The following BOP1 variants were observed in gnomAD, a reference collection of about 807,000 sequenced individuals.
BOP1 encodes the protein ribosome biogenesis protein BOP1.
A neutral mutation model predicts 82.9 loss-of-function variants in BOP1; 54 were observed. That is an observed-to-expected ratio of 0.65 (90% CI 0.52 to 0.82). The LOEUF is 0.82. BOP1 is among the 40% of genes least tolerant of loss of function. The probability of loss-of-function intolerance (pLI) is 0.00; values close to 1 mark genes in which losing one functional copy is unlikely to be tolerated. For synonymous variants in BOP1, 566 were observed against 451.1 expected, an observed-to-expected ratio of 1.25 and a Z score of -3.23; for missense variants, 1,170 against 1,072.0, an observed-to-expected ratio of 1.09 and a Z score of -1.28.
intron 11 of BOP1, 26 bp downstream of exon 11, chr8:144,263,452 C>G: frequency 6.3e-7 from 1 of 1,597,862 alleles, no homozygotes; most frequent in Non-Finnish European, 8.5e-7. Flanking sequence ...ACCCCTGGCT[C>G]CCCAGCCCCC....
chr8:144,291,298 C>G lies in BOP1; in HGVS notation c.73G>C (p.Glu25Gln), dbSNP rs1815065118. Residue 25 changes from glutamate to glutamine, a missense_variant, in exon 1 of 16, where the codon GAA (glutamate) becomes CAA (glutamine). Glu to Gln is a conservative substitution (Grantham distance 29). Coordinates refer to ENST00000569669, the MANE Select transcript of BOP1 (RefSeq NM_015201.5). This position sits in a 1 kb window ranked among gnomAD's most constrained non-coding sequence, Gnocchi z 4.1. ...TCCGGCTCGGGCTCAGGCTCCAGTT[C>G]GGGCTCAGACCGCCGCTTCTCCGGC... Reference protein sequence around the residue: ...VRPEKRRSEPELEPEPEPEPP... With the variant: ...VRPEKRRSEPQLEPEPEPEPP... 4.1e-6 allele frequency: 6 copies of G among 1,450,506 alleles called. No homozygotes were observed. The highest frequency in any genetic ancestry group is 1.3e-5 in the South Asian group (1 of 76,018). 89.9% of individuals were successfully genotyped at this position (1,450,506 alleles called of 1,614,324 possible).
intron 3 of BOP1, among the ~76,000 whole-genome samples, chr8:144,269,689 G>A (rs1461274187): frequency 6.6e-6 from 1 of 152,234 alleles, no homozygotes; most frequent in Non-Finnish European, 1.5e-5. Context: ...TGGCCAGAGG[G>A]AGGGGAGGAG....
chr8:144,263,477 C>G lies in BOP1; in HGVS notation c.1424+1G>C. On this transcript the variant is annotated splice_donor_variant, in intron 11 of 15. Transcript: ENST00000569669. LOFTEE classifies it high-confidence loss of function. Reference sequence around the variant, plus strand: ...CCCCAGCCCCCAGGGCCTCCACTTACACGGCTGCAGCCACCAGGCAGACAG... The same window carrying G: ...CCCCAGCCCCCAGGGCCTCCACTTAGACGGCTGCAGCCACCAGGCAGACAG... 1 of 1,598,290 alleles carries G rather than the reference C, an allele frequency of 6.3e-7. No individual in the cohort carries two copies. The highest frequency in any genetic ancestry group is 8.5e-7 in the Non-Finnish European group (1 of 1,179,684).
intron 3 of BOP1, chr8:144,266,552 C>T (rs1337027005): frequency 1.2e-4 from 123 of 999,398 alleles, no homozygotes; most frequent in African/African-American, 1.2e-3. Context: ...AGGCCCGCGG[C>T]GGCCGCAGGA....
chr8:144,284,118 AAAAAC>A (rs144569344), intron 2 of BOP1, among the ~76,000 whole-genome samples: 15,853 of 151,622 alleles, frequency 0.1, 960 homozygotes, highest in Non-Finnish European at 0.14. Context: ...CTCTGTCTCA[AAAAAC>A]AAAACAAAAC....
intron 3 of BOP1, among the ~76,000 whole-genome samples, chr8:144,275,050 G>A (rs1160886847): frequency 3.3e-5 from 5 of 152,016 alleles, no homozygotes; most frequent in Non-Finnish European, 5.9e-5. Context: ...CGGATCGGGC[G>A]GGCGGCCAAG....
chr8:144,284,877 G>A (rs774330315), intron 2 of BOP1, among the ~76,000 whole-genome samples: 19 of 152,308 alleles, frequency 1.2e-4, no homozygotes, highest in Non-Finnish European at 2.5e-4. Flanking sequence ...CCAGAAGCAC[G>A]CCCACCCTGG....
chr8:144,291,126 A>C lies in BOP1; in HGVS notation c.99+146T>G. 19 of 422,068 alleles carry C rather than the reference A, an allele frequency of 4.5e-5. No individual in the cohort carries two copies. The highest frequency in any genetic ancestry group is 1.9e-4 in the East Asian group (2 of 10,706). 26.1% of individuals were successfully genotyped at this position (422,068 alleles called of 1,614,324 possible). A position where few individuals can be genotyped will look rare whatever the true frequency, so the allele number is the denominator to read the frequency against. ...AGTCCGCTCTGCCTGAGACCCCCCG[A>C]TAGAGGAGCTGCACCCACGCCCAAG... On this transcript the variant is annotated intron_variant, in intron 1 of 15. Transcript: ENST00000569669. The surrounding 1 kb of genome is among the most constrained non-coding windows in gnomAD (Gnocchi z 4.1).
intron 2 of BOP1, 100 bp from the exon 3 acceptor site, chr8:144,276,404 G>C: frequency 1.5e-6 from 2 of 1,342,578 alleles, no homozygotes; most frequent in Admixed American, 3.8e-5. Flanking sequence ...TCTCTGAGCA[G>C]CTCCAGCCTG....
chr8:144,262,317 A>G lies in BOP1; in HGVS notation c.2088T>C (p.Asn696=). 6.2e-7 allele frequency: 1 copy of G among 1,612,818 alleles called. No individual in the cohort carries two copies. The highest frequency in any genetic ancestry group is 2.2e-5 in the East Asian group (1 of 44,866). ...SVIVCHGMVY[N]DLLQNPLLVP... ...CCAGCAAGGGGTTCTGCAGAAGGTCACTGTGGGGACGAGGAGGGCTCAGGG... is the reference window on the plus strand; with the variant it reads ...CCAGCAAGGGGTTCTGCAGAAGGTCGCTGTGGGGACGAGGAGGGCTCAGGG... Residue 696 remains asparagine, a splice_region_variant and synonymous_variant, in exon 16 of 16, where the codon AAT becomes AAC. Coordinates refer to ENST00000569669, the MANE Select transcript of BOP1 (RefSeq NM_015201.5).
intron 3 of BOP1, among the ~76,000 whole-genome samples, chr8:144,269,526 G>A (rs1845455756): frequency 1.3e-5 from 2 of 152,248 alleles, no homozygotes; most frequent in Non-Finnish European, 2.9e-5. Context: ...AATTTTGGAG[G>A]AAATTCTCAA....
chr8:144,272,431 G>C (rs1187127101), intron 3 of BOP1, among the ~76,000 whole-genome samples: 1 of 152,118 alleles, frequency 6.6e-6, no homozygotes, highest in Admixed American at 6.5e-5. Context: ...TCCCCAGCCG[G>C]CCTCCCCAGA....
intron 3 of BOP1, among the ~76,000 whole-genome samples, chr8:144,272,988 G>GAGGC (rs1215797819): frequency 6.6e-6 from 1 of 152,208 alleles, no homozygotes; most frequent in Non-Finnish European, 1.5e-5. Context: ...AGCCCCCTCG[G>GAGGC]AGGCAGGCAT....
intron 2 of BOP1, among the ~76,000 whole-genome samples, chr8:144,286,741 C>T (rs568190082): frequency 6.6e-6 from 1 of 152,358 alleles, no homozygotes; most frequent in South Asian, 2.1e-4. Context: ...CCAGCCCGGC[C>T]GGCCTTGCCA....
intron 13 of BOP1, 61 bp downstream of exon 13, chr8:144,262,790 TGC>T (rs1845246994): frequency 5.4e-6 from 3 of 555,152 alleles, no homozygotes; most frequent in African/African-American, 5.1e-5. Flanking sequence ...ACCCCTCACC[TGC>T]AGGGTACACC....
chr8:144,287,259 C>T (rs1434584837), intron 2 of BOP1, among the ~76,000 whole-genome samples: 7 of 152,226 alleles, frequency 4.6e-5, no homozygotes, highest in Non-Finnish European at 8.8e-5. Context: ...ATCCATCCAC[C>T]TTAGCCTCCC....
At chr8:144,267,143 A>G (rs1304722452) in intron 3 of BOP1, 2 of 1,524,644 alleles carry the variant, frequency 1.3e-6, no homozygotes, top group Non-Finnish European at 1.7e-6. Flanking sequence ...CAGCCCAAAC[A>G]GATCTGCACC....
intron 1 of BOP1, among the ~76,000 whole-genome samples, chr8:144,289,988 G>C (rs1814992511): frequency 6.6e-6 from 1 of 152,186 alleles, no homozygotes; most frequent in Non-Finnish European, 1.5e-5. Context: ...AGCCCTGCTG[G>C]CTGCGTGACA....
chr8:144,266,711 C>A, intron 3 of BOP1: 1 of 1,194,262 alleles, frequency 8.4e-7, no homozygotes, highest in East Asian at 6.6e-5. Context: ...AGCGACAGCT[C>A]GGGCTCCGAC....
Sources: allele counts gnomAD v4.1 joint callset (sites outside exome capture counted in the v4.1 genomes callset), GRCh38; gene constraint gnomAD v4.1.1; non-coding constraint Gnocchi (gnomAD v3.1); transcripts MANE v1.5; gene names NCBI Gene and HGNC (gene_info 2026-07-23, HGNC 2026-07-21).